NFIL3: variants seen among roughly 807,000 people sequenced by gnomAD.
NFIL3 encodes nuclear factor, interleukin 3 regulated.
In NFIL3, 5 loss-of-function variants were observed where a neutral mutation model predicts 10.0. The observed-to-expected ratio is 0.50, with a 90% CI of 0.26 to 1.06. The LOEUF (loss-of-function observed/expected upper bound fraction) is 1.06. NFIL3 is among the 50% of genes least tolerant of loss of function. NFIL3 has a pLI of 0.13. For synonymous variants in NFIL3, 202 were observed against 206.5 expected (o/e 0.98, Z 0.19); for missense variants, 436 against 547.6 (o/e 0.80, Z 2.03).
the NFIL3 span, among the ~76,000 whole-genome samples, chr9:91,460,399 C>T: frequency 6.6e-6 from 1 of 151,130 alleles, no homozygotes; most frequent in African/African-American, 2.4e-5. Context: ...CTCAGCCTCC[C>T]AAGTAGCTGG....
At chr9:91,433,769 C>T in the NFIL3 span, among the ~76,000 whole-genome samples, 1 of 152,106 alleles carries the variant, frequency 6.6e-6, no homozygotes, top group Non-Finnish European at 1.5e-5. Flanking sequence ...TGAAGCATAA[C>T]ATAAATAACA....
At chr9:91,465,511 T>G in the NFIL3 span, among the ~76,000 whole-genome samples, 1 of 152,120 alleles carries the variant, frequency 6.6e-6, no homozygotes, top group African/African-American at 2.4e-5. Context: ...TGTCTACCTT[T>G]ACTCTATTTT....
intron 1 of NFIL3, among the ~76,000 whole-genome samples, chr9:91,421,797 G>A (rs1021511582): frequency 2.0e-5 from 3 of 152,086 alleles, no homozygotes; most frequent in African/African-American, 7.2e-5. Flanking sequence ...TTCCAGAGAC[G>A]TCCACCCCCC....
At chr9:91,438,557 G>A in the NFIL3 span, among the ~76,000 whole-genome samples, 5 of 152,084 alleles carry the variant, frequency 3.3e-5, no homozygotes, top group African/African-American at 4.8e-5. Flanking sequence ...AGCTTTTGGT[G>A]TAATTAGGGG....
At chr9:91,419,934 G>A (rs371128095) in intron 1 of NFIL3, among the ~76,000 whole-genome samples, 1 of 152,160 alleles carries the variant, frequency 6.6e-6, no homozygotes, top group African/African-American at 2.4e-5. Context: ...CCCCCTACAA[G>A]AGAGCTTATC....
the NFIL3 span, among the ~76,000 whole-genome samples, chr9:91,454,146 A>G: frequency 9.9e-5 from 15 of 151,394 alleles, no homozygotes; most frequent in Non-Finnish European, 2.2e-4. Context: ...AGGCAGGAGA[A>G]TCGCTTGAAC....
At chr9:91,446,086 A>G in the NFIL3 span, among the ~76,000 whole-genome samples, 1 of 152,174 alleles carries the variant, frequency 6.6e-6, no homozygotes, top group African/African-American at 2.4e-5. Context: ...TGCAGTGTGT[A>G]GACACTGGGG....
the NFIL3 span, among the ~76,000 whole-genome samples, chr9:91,436,872 A>G: frequency 6.6e-6 from 1 of 152,068 alleles, no homozygotes; most frequent in African/African-American, 2.4e-5. Context: ...TATCCCCTAA[A>G]TCAGCAGTCC....
the NFIL3 span, among the ~76,000 whole-genome samples, chr9:91,442,020 C>T: frequency 2.0e-4 from 30 of 152,268 alleles, no homozygotes; most frequent in Admixed American, 3.9e-4. Flanking sequence ...GAGTTTTATA[C>T]TACTACTCCT....
the NFIL3 span, among the ~76,000 whole-genome samples, chr9:91,474,913 G>A: frequency 1.3e-5 from 2 of 152,162 alleles, no homozygotes; most frequent in Non-Finnish European, 2.9e-5. Context: ...ACAAAGTCCT[G>A]CCTATATATT....
At chr9:91,455,613 C>T in the NFIL3 span, among the ~76,000 whole-genome samples, 12 of 151,960 alleles carry the variant, frequency 7.9e-5, no homozygotes, top group Admixed American at 2.6e-4. Flanking sequence ...ATTCTTTGGC[C>T]TTATTAAAAC....
the NFIL3 span, among the ~76,000 whole-genome samples, chr9:91,455,097 G>A: frequency 3.3e-5 from 5 of 152,162 alleles, no homozygotes; most frequent in Non-Finnish European, 5.9e-5. Context: ...TGAGTTATAC[G>A]AATATGAGGG....
chr9:91,410,271 G>T lies in NFIL3; in HGVS notation c.464C>A (p.Ser155Tyr). ...CACAAATGAACTCACATTGGATTTG[G>T]AAGTCTGGTAATCTTGAAAGTACAC... ...TAVYFQDYQTSKSNVSSFVDE... is the reference protein window; with the variant it reads ...TAVYFQDYQTYKSNVSSFVDE... The change falls in exon 2 of 2, where the codon TCC becomes TAC. Residue 155 changes from serine (S) to tyrosine (Y), a missense_variant. By Grantham distance (144) the Ser-to-Tyr change is moderately radical (BLOSUM62 -2). Transcript: ENST00000297689. This position sits in a 1 kb window ranked among gnomAD's most constrained non-coding sequence, Gnocchi z 5.7. The T allele has an allele frequency of 1.2e-6, 2 of 1,614,178 alleles. No homozygotes were observed. The highest frequency in any genetic ancestry group is 1.7e-6 in the Non-Finnish European group (2 of 1,180,030).
chr9:91,472,993 A>C, the NFIL3 span, among the ~76,000 whole-genome samples: 2 of 152,170 alleles, frequency 1.3e-5, no homozygotes, highest in Admixed American at 1.3e-4. Flanking sequence ...AGTTCGCTGG[A>C]GGTCCACTCC....
At chr9:91,454,201 T>C in the NFIL3 span, among the ~76,000 whole-genome samples, 1 of 138,552 alleles carries the variant, frequency 7.2e-6, no homozygotes, top group Non-Finnish European at 1.5e-5. Context: ...ACCACTACAC[T>C]CCAGTCTGGG....
chr9:91,412,899 A>ATCTCCT (rs1367932201), intron 1 of NFIL3, among the ~76,000 whole-genome samples: 1 of 151,854 alleles, frequency 6.6e-6, no homozygotes, highest in Non-Finnish European at 1.5e-5. Flanking sequence ...TGATGCCACT[A>ATCTCCT]TCTCCTTCTT....
the NFIL3 span, among the ~76,000 whole-genome samples, chr9:91,458,864 G>A: frequency 6.6e-6 from 1 of 152,166 alleles, no homozygotes. Context: ...AAATTAAGGA[G>A]CATGGACACC....
At chr9:91,431,527 C>T in the NFIL3 span, among the ~76,000 whole-genome samples, 4 of 152,156 alleles carry the variant, frequency 2.6e-5, no homozygotes, top group Admixed American at 2.0e-4. Flanking sequence ...GGAACAGAGC[C>T]TGAGCTTAGG....
the NFIL3 span, among the ~76,000 whole-genome samples, chr9:91,467,008 A>T: frequency 6.6e-6 from 1 of 152,180 alleles, no homozygotes; most frequent in African/African-American, 2.4e-5. Context: ...TGAAGAGGGA[A>T]TTCTGCAAAG....
Sources: allele counts gnomAD v4.1 joint callset (sites outside exome capture counted in the v4.1 genomes callset), GRCh38; gene constraint gnomAD v4.1.1; non-coding constraint Gnocchi (gnomAD v3.1); transcripts MANE v1.5; gene names NCBI Gene and HGNC (gene_info 2026-07-23, HGNC 2026-07-21).